Variants in COPG2 observed in about 807,000 individuals in gnomAD.
COPG2 encodes the protein coat protein complex I subunit gamma 2.
In COPG2, 37 loss-of-function variants were observed where a neutral mutation model predicts 46.3. The observed-to-expected ratio is 0.80, with a 90% CI of 0.61 to 1.05. The LOEUF (loss-of-function observed/expected upper bound fraction) is 1.05, where lower values mean the gene tolerates loss of function less well. COPG2 is among the 50% of genes least tolerant of loss of function. The pLI, the probability that COPG2 is intolerant of heterozygous loss-of-function variation, is 0.00. For missense variants in COPG2, 427 were observed against 387.8 expected, an observed-to-expected ratio of 1.10 and a Z score of -0.85; for synonymous variants, 159 against 129.7, an observed-to-expected ratio of 1.23 and a Z score of -1.53.
At chr7:130,537,701 T>C (rs1192210395) in intron 20 of COPG2, among the ~76,000 whole-genome samples, 3 of 152,224 alleles carry the variant, frequency 2.0e-5, no homozygotes, top group African/African-American at 7.2e-5. Flanking sequence ...TCAGGGAATG[T>C]ACTGCAGCAA....
At chr7:130,667,803 A>C (rs1796118176) in intron 1 of COPG2, among the ~76,000 whole-genome samples, 1 of 151,940 alleles carries the variant, frequency 6.6e-6, no homozygotes, top group African/African-American at 2.4e-5. Flanking sequence ...GAATGTTAAA[A>C]ATGTGTCATT....
chr7:130,621,943 CAAAAAAAAAAAAAAAA>C (rs562107230), intron 5 of COPG2, among the ~76,000 whole-genome samples: 1 of 67,538 alleles, frequency 1.5e-5, no homozygotes, highest in East Asian at 5.8e-4. Flanking sequence ...GACTCCATCT[CAAAAAAAAAAAAAAAA>C]AAAAAAAGAC....
At chr7:130,638,712 C>G (rs1193379500) in intron 5 of COPG2, among the ~76,000 whole-genome samples, 3 of 100,536 alleles carry the variant, frequency 3.0e-5, no homozygotes, top group African/African-American at 9.9e-5. Context: ...TCCCTGGCTT[C>G]AGCCCCCTTT....
At chr7:130,559,684 G>A (rs915191980) in intron 12 of COPG2, among the ~76,000 whole-genome samples, 2 of 152,176 alleles carry the variant, frequency 1.3e-5, no homozygotes, top group Admixed American at 6.5e-5. Flanking sequence ...TCAAAGCCAA[G>A]GTATCTTAAT....
chr7:130,608,764 G>T (rs1554451633), intron 9 of COPG2, among the ~76,000 whole-genome samples: 1 of 151,316 alleles, frequency 6.6e-6, no homozygotes, highest in East Asian at 1.9e-4. Context: ...TTCTCTTTTG[G>T]TTTTCAACTT....
chr7:130,567,706 G>GA (rs1793827004), intron 9 of COPG2, among the ~76,000 whole-genome samples: 1 of 152,132 alleles, frequency 6.6e-6, no homozygotes, highest in East Asian at 1.9e-4. Flanking sequence ...TGTATCCAGT[G>GA]AAACTAAGCT....
In COPG2 at chr7:130,610,130, TG is replaced by T. The variant is rs1554451821; in HGVS notation, c.737+822del. On this transcript the variant is annotated intron_variant, in intron 9 of 23. Coordinates refer to ENST00000425248, the MANE Select transcript of COPG2 (RefSeq NM_012133.6). ...TGTCACTGCCTCTGTATTTTTTGAT[TG>T]TTTGCTAGACACTGCTTATAAAGGT... is the stretch of plus-strand genomic sequence containing the variant. The T allele has an allele frequency of 7.7e-6, 4 of 518,846 alleles. No individual in the cohort carries two copies. The Admixed American group carries it at 7.8e-5, about 10-fold the overall frequency. The allele number at this position is 518,846 out of a possible 1,614,324, so 32.1% of individuals were successfully genotyped here.
chr7:130,591,927 A>G (rs1440434638), intron 9 of COPG2, among the ~76,000 whole-genome samples: 1 of 152,204 alleles, frequency 6.6e-6, no homozygotes, highest in African/African-American at 2.4e-5. Context: ...AGAACAGGCC[A>G]TGATGACAAT....
intron 20 of COPG2, among the ~76,000 whole-genome samples, chr7:130,533,032 G>A (rs1236026513): frequency 2.6e-5 from 4 of 152,102 alleles, no homozygotes; most frequent in Non-Finnish European, 5.9e-5. Context: ...GGAGAGCAGA[G>A]GGTGAGTTTG....
chr7:130,583,351 T>TGGGGGGGGGGGGGGGGG (rs1554447495), intron 9 of COPG2, among the ~76,000 whole-genome samples: 1 of 38,510 alleles, frequency 2.6e-5, no homozygotes, highest in Non-Finnish European at 5.0e-5. Flanking sequence ...CTGTGGGGGG[T>TGGGGGGGGGGGGGGGGG]GGGGGGAGTG....
chr7:130,588,799 TA>T (rs199593034), intron 9 of COPG2, among the ~76,000 whole-genome samples: 8,740 of 151,148 alleles, frequency 0.058, 495 homozygotes, highest in African/African-American at 0.15. Context: ...AGTATAATAA[TA>T]AAAAAAAAGC....
At chr7:130,662,184 C>T (rs1554460899) in intron 4 of COPG2, among the ~76,000 whole-genome samples, 2 of 152,126 alleles carry the variant, frequency 1.3e-5, no homozygotes, top group East Asian at 3.8e-4. Context: ...ATAATGGCCT[C>T]CCCTGAAACA....
chr7:130,524,412 C>G (rs973192999), intron 20 of COPG2, among the ~76,000 whole-genome samples: 11 of 152,132 alleles, frequency 7.2e-5, no homozygotes, highest in Non-Finnish European at 7.4e-5. Flanking sequence ...GAGAAACGAC[C>G]AACCTGCGCC....
intron 20 of COPG2, among the ~76,000 whole-genome samples, chr7:130,517,862 A>C (rs1799692018): frequency 6.6e-6 from 1 of 152,228 alleles, no homozygotes; most frequent in Non-Finnish European, 1.5e-5. Context: ...GCTGTGGACT[A>C]AAAAGAACTG....
chr7:130,568,539 C>G (rs1229512363), intron 9 of COPG2, among the ~76,000 whole-genome samples: 1 of 152,186 alleles, frequency 6.6e-6, no homozygotes, highest in Non-Finnish European at 1.5e-5. Context: ...GCACCTAACA[C>G]TGGAGCTCCC....
At chr7:130,582,449 T>C (rs1437050215) in intron 9 of COPG2, among the ~76,000 whole-genome samples, 5 of 151,726 alleles carry the variant, frequency 3.3e-5, no homozygotes, top group African/African-American at 1.2e-4. Flanking sequence ...AAGGATTTCA[T>C]GTCCAAAACA....
At chr7:130,627,298 T>C (rs1554454413) in intron 5 of COPG2, among the ~76,000 whole-genome samples, 2 of 152,218 alleles carry the variant, frequency 1.3e-5, no homozygotes, top group African/African-American at 4.8e-5. Flanking sequence ...TAAGTCGGCC[T>C]TTCTTCATGG....
At chr7:130,529,363 CAG>C (rs1250937244) in intron 20 of COPG2, among the ~76,000 whole-genome samples, 2 of 152,096 alleles carry the variant, frequency 1.3e-5, no homozygotes, top group Non-Finnish European at 2.9e-5. Context: ...ACTAGAAAAA[CAG>C]AAACTGCTCT....
At chr7:130,523,561 AAC>A (rs1799745871) in intron 20 of COPG2, among the ~76,000 whole-genome samples, 1 of 152,122 alleles carries the variant, frequency 6.6e-6, no homozygotes, top group South Asian at 2.1e-4. Context: ...CAGGTGTGGG[AAC>A]ACAGTTCCCG....
Sources: gnomAD v4.1 joint callset for allele counts (sites outside exome capture counted in the v4.1 genomes callset) on GRCh38, gnomAD v4.1.1 for gene constraint, MANE v1.5 for transcripts, NCBI Gene and HGNC (gene_info 2026-07-23, HGNC 2026-07-21) for gene names.